Variants in FGF13 observed in about 807,000 individuals in gnomAD.
The protein encoded by FGF13 is fibroblast growth factor 13.
Under a neutral mutation model 19.5 loss-of-function variants are expected in FGF13, and 2 were observed. That is an observed-to-expected ratio of 0.10 (90% CI 0.04 to 0.32). The LOEUF (loss-of-function observed/expected upper bound fraction) is 0.32. Among genes scored for constraint, FGF13 ranks in the 10% least tolerant of loss-of-function variants. The pLI, the probability that FGF13 is intolerant of heterozygous loss-of-function variation, is 1.00. For missense variants in FGF13, 113 were observed against 192.7 expected, an observed-to-expected ratio of 0.59 and a Z score of 2.45; for synonymous variants, 72 against 76.9, an observed-to-expected ratio of 0.94 and a Z score of 0.33.
At chrX:138,995,024 C>G (rs1394028753) in intron 1 of FGF13, among the ~76,000 whole-genome samples, 1 of 105,827 alleles carries the variant, frequency 9.4e-6, no homozygotes, top group Non-Finnish European at 1.9e-5. Context: ...CAGGTAAACA[C>G]TCACAGTACC....
intron 1 of FGF13, among the ~76,000 whole-genome samples, chrX:139,126,665 C>T (rs180784450): frequency 1.5e-3 from 163 of 111,823 alleles, no homozygotes; most frequent in African/African-American, 4.9e-3. Context: ...CATGTCCCGT[C>T]GGCAAGAATA....
chrX:138,764,591 T>G (rs937798389), intron 3 of FGF13, among the ~76,000 whole-genome samples: 2 of 112,164 alleles, frequency 1.8e-5, no homozygotes, highest in Non-Finnish European at 3.8e-5. Context: ...AATGTCAAGG[T>G]CTGTAACTAT....
chrX:138,851,475 T>A (rs1032661654), intron 3 of FGF13, among the ~76,000 whole-genome samples: 8 of 112,115 alleles, frequency 7.1e-5, no homozygotes, highest in Admixed American at 4.7e-4. Context: ...TTGATTTGCA[T>A]TTCTCTAATG....
At chrX:139,000,680 T>TAA (rs1470995359) in intron 1 of FGF13, among the ~76,000 whole-genome samples, 2 of 110,679 alleles carry the variant, frequency 1.8e-5, no homozygotes, top group African/African-American at 6.6e-5. Flanking sequence ...CTCAAGGAAA[T>TAA]AAGAGGGCAC....
intron 1 of FGF13, among the ~76,000 whole-genome samples, chrX:139,050,747 G>T (rs1251701598): frequency 8.9e-6 from 1 of 112,026 alleles, no homozygotes; most frequent in Non-Finnish European, 1.9e-5. Context: ...GTGTTTTTTA[G>T]TCACTTGGAA....
At chrX:139,100,557 ACGTT>A (rs2083505235) in intron 1 of FGF13, among the ~76,000 whole-genome samples, 1 of 111,290 alleles carries the variant, frequency 9.0e-6, no homozygotes, top group South Asian at 3.8e-4. Context: ...AAAAAAACTT[ACGTT>A]TAAAGGACCA....
chrX:138,649,475 G>A, intron 3 of FGF13, among the ~76,000 whole-genome samples: 1 of 111,725 alleles, frequency 9.0e-6, no homozygotes, highest in East Asian at 2.8e-4. Flanking sequence ...GAGACAGGGT[G>A]TACCAGATAT....
chrX:138,974,884 C>T (rs952655150), intron 1 of FGF13, among the ~76,000 whole-genome samples: 1 of 112,412 alleles, frequency 8.9e-6, no homozygotes, highest in Non-Finnish European at 1.9e-5. Flanking sequence ...AAACTCATAT[C>T]TAGTGCAATC....
At chrX:138,717,074 T>C (rs755756043) in intron 1 of FGF13, among the ~76,000 whole-genome samples, 1 of 112,396 alleles carries the variant, frequency 8.9e-6, no homozygotes, top group South Asian at 3.7e-4. Flanking sequence ...TTATGAACAT[T>C]AAAGCCATAA....
chrX:139,059,928 C>A (rs1197817625), intron 1 of FGF13, among the ~76,000 whole-genome samples: 1 of 111,686 alleles, frequency 9.0e-6, no homozygotes, highest in East Asian at 2.8e-4. Context: ...ATAAGGTGTG[C>A]ATATCTTTGA....
intron 3 of FGF13, among the ~76,000 whole-genome samples, chrX:138,802,379 G>C (rs1474625537): frequency 9.0e-6 from 1 of 110,639 alleles, no homozygotes; most frequent in East Asian, 2.9e-4. Flanking sequence ...TCCCAGGTGA[G>C]GCAACTCCCC....
intron 1 of FGF13, chrX:138,990,589 G>A (rs926021072): frequency 9.1e-6 from 1 of 110,447 alleles, no homozygotes; most frequent in African/African-American, 3.3e-5. Flanking sequence ...ACGACAGCAG[G>A]CAAACAGAGA....
chrX:138,917,077 CA>C (rs1177332929), intron 1 of FGF13, among the ~76,000 whole-genome samples: 106 of 110,122 alleles, frequency 9.6e-4, no homozygotes, highest in Middle Eastern at 4.6e-3. Flanking sequence ...ATTAATTATG[CA>C]AAAAAAATGA....
At chrX:138,762,580 C>T (rs2090475494) in intron 3 of FGF13, among the ~76,000 whole-genome samples, 1 of 111,435 alleles carries the variant, frequency 9.0e-6, no homozygotes, top group African/African-American at 3.3e-5. Flanking sequence ...GAGGAGGAAG[C>T]ATAGTGTTAG....
chrX:138,744,260 C>T (rs2090340281), upstream of FGF13, among the ~76,000 whole-genome samples: 1 of 111,241 alleles, frequency 9.0e-6, no homozygotes, highest in African/African-American at 3.3e-5. Flanking sequence ...CAAATAACAA[C>T]CCATGAACTA....
At chrX:139,026,565 A>G (rs778347555) in intron 1 of FGF13, among the ~76,000 whole-genome samples, 35 of 112,045 alleles carry the variant, frequency 3.1e-4, no homozygotes, top group African/African-American at 1.1e-3. Flanking sequence ...ATCAAGGCCC[A>G]AGGTCAGTAT....
At chrX:138,920,691 T>C (rs1450144247) in intron 1 of FGF13, among the ~76,000 whole-genome samples, 1 of 111,455 alleles carries the variant, frequency 9.0e-6, no homozygotes, top group Non-Finnish European at 1.9e-5. Flanking sequence ...CAGAGTTGTA[T>C]TACTAGTGTT....
rs138182891 is a variant in FGF13 at position 138,751,072 on chromosome X, C to T, written c.218-42144G>A. 5.9e-3 allele frequency among the ~76,000 whole-genome samples: 656 copies of T among 111,215 alleles called. 8 individuals carry two copies. The highest frequency in any genetic ancestry group is 0.02 in the African/African-American group (625 of 30,602). On this transcript the variant is annotated intron_variant, in intron 3 of 6. Coordinates refer to the FGF13 transcript ENST00000436198. ...TTCAAATAAAACACTCTTGAGAAGT[C>T]GAGTTAGTTCAGGATTGTATATATC...
Position 138,631,306 on chromosome X carries a change from A to C in FGF13, c.*1544T>G, listed in dbSNP as rs1283858041. On this transcript the variant is annotated 3_prime_UTR_variant, in exon 5 of 5. Coordinates refer to ENST00000315930, the MANE Select transcript of FGF13 (RefSeq NM_004114.5). ...AACAGAGAGGGGAAATGACACTGTG[A>C]GTGGCAGAGAAAATACTAGCACAAA... The C allele has an allele frequency of 8.9e-6, 1 of 112,398 alleles. No homozygotes were observed. Among genetic ancestry groups the C allele is most frequent in the Admixed American group, 9.5e-5 (1 of 10,559 alleles). 9.3% of individuals were successfully genotyped at this position (112,398 alleles called of 1,213,427 possible). A position where few individuals can be genotyped will look rare whatever the true frequency, so the allele number is the denominator to read the frequency against.
Sources: allele counts gnomAD v4.1 joint callset (sites outside exome capture counted in the v4.1 genomes callset), GRCh38; gene constraint gnomAD v4.1.1; transcripts MANE v1.5; gene names NCBI Gene and HGNC (gene_info 2026-07-23, HGNC 2026-07-21).